The following EXPH5 variants were observed in gnomAD, a reference collection of about 807,000 sequenced individuals.
The protein encoded by EXPH5 is exophilin 5.
A neutral mutation model predicts 41.1 loss-of-function variants in EXPH5; 42 were observed. That is an observed-to-expected ratio of 1.02 (90% CI 0.80 to 1.32). The LOEUF is 1.32. Ranked by LOEUF, EXPH5 falls within the 40% of genes most tolerant of loss-of-function variation. The probability of loss-of-function intolerance (pLI) is 0.00; values close to 1 mark genes in which losing one functional copy is unlikely to be tolerated. For synonymous variants in EXPH5, 798 were observed against 833.5 expected, an observed-to-expected ratio of 0.96 and a Z score of 0.73; for missense variants, 2,298 against 2,314.5, an observed-to-expected ratio of 0.99 and a Z score of 0.15.
intron 1 of EXPH5, among the ~76,000 whole-genome samples, chr11:108,549,525 G>A (rs374842069): frequency 6.6e-6 from 1 of 152,134 alleles, no homozygotes; most frequent in South Asian, 2.1e-4. Context: ...TCTGAGCAAG[G>A]CTTTGTGCCC....
At chr11:108,550,738 C>T (rs1056221408) in intron 1 of EXPH5, among the ~76,000 whole-genome samples, 2 of 151,958 alleles carry the variant, frequency 1.3e-5, no homozygotes, top group African/African-American at 4.8e-5. Context: ...AAGATTATGC[C>T]ACTGCACTCC....
rs781684228 is a variant in EXPH5 at position 108,512,143 on chromosome 11, C to A, written c.3364G>T (p.Ala1122Ser). 7.3e-5 allele frequency: 117 copies of A among 1,613,238 alleles called. No individual in the cohort carries two copies. Among genetic ancestry groups the A allele is most frequent in the Non-Finnish European group, 9.6e-5 (113 of 1,179,826 alleles). The change falls in exon 6 of 6, where the codon GCT becomes TCT. Residue 1122 changes from alanine (A) to serine (S), a missense_variant. Transcript: ENST00000265843. ...KGPLPFLINR[A>S]MSCPSGEPHA... ...GGCTCCCCTGAGGGACATGACATAG[C>A]CCTGTTGATGAGGAATGGAAGTGGT...
chr11:108,593,566 G>A lies in EXPH5; in HGVS notation c.-30C>T. On this transcript the variant is annotated 5_prime_UTR_variant, in exon 1 of 6. Coordinates refer to ENST00000265843, the MANE Select transcript of EXPH5 (RefSeq NM_015065.3). ...TTTACTGTGTGTGAGTTACACTTAAGCTCCTTGGCGCCTCCTGTTAGGAAG... is the reference window on the plus strand; with the variant it reads ...TTTACTGTGTGTGAGTTACACTTAAACTCCTTGGCGCCTCCTGTTAGGAAG... 2 of 1,613,848 alleles carry A rather than the reference G, an allele frequency of 1.2e-6. No homozygotes were observed. Among genetic ancestry groups the A allele is most frequent in the South Asian group, 1.1e-5 (1 of 91,050 alleles).
At chr11:108,594,780 C>A (rs188817986), upstream of EXPH5, among the ~76,000 whole-genome samples, 2 of 152,264 alleles carry the variant, frequency 1.3e-5, no homozygotes, top group Non-Finnish European at 2.9e-5. Flanking sequence ...GGCACATAAA[C>A]CCAATTAAAA....
Position 108,514,859 on chromosome 11 carries a change from A to C in EXPH5, c.648T>G (p.Asp216Glu), listed in dbSNP as rs762172582. 1 of 1,460,754 alleles carries C rather than the reference A, an allele frequency of 6.8e-7. No individual in the cohort carries two copies. Among genetic ancestry groups the C allele is most frequent in the East Asian group, 2.4e-5 (1 of 41,392 alleles). 90.5% of individuals were successfully genotyped at this position (1,460,754 alleles called of 1,614,324 possible). A position where few individuals can be genotyped will look rare whatever the true frequency, so the allele number is the denominator to read the frequency against. ...CAGACTGTTCCTGAGCCAATTTGCT[A>C]TCCAAGTCATCTAAAACTGAAAAGA... ...NEFFQVLDDLDSKLAQEQSAS... is the reference protein window; with the variant it reads ...NEFFQVLDDLESKLAQEQSAS... Residue 216 changes from aspartate (D) to glutamate (E), a missense_variant, in exon 6 of 6, where the codon GAT (aspartate) becomes GAG (glutamate). By Grantham distance (45) the Asp-to-Glu change is conservative. Coordinates refer to ENST00000265843, the MANE Select transcript of EXPH5 (RefSeq NM_015065.3).
rs898850176 is a variant in EXPH5, at chr11:108,511,651, T to C, written c.3856A>G (p.Thr1286Ala). The C allele has an allele frequency of 4.4e-6, 7 of 1,607,892 alleles. No individual in the cohort carries two copies. In the African/African-American group the frequency reaches 9.4e-5, roughly 22 times the overall value. ...NLLIESPQVE[T>A]ETFPNALEKD... ...TCTAAAGCGTTAGGAAATGTTTCAG[T>C]CTCCACTTGAGGTGATTCTATAAGT... Residue 1286 changes from threonine (T) to alanine (A), a missense_variant, in exon 6 of 6, where the codon ACT becomes GCT. Transcript: ENST00000265843.
the EXPH5 span, among the ~76,000 whole-genome samples, chr11:108,601,884 G>A: frequency 1.2e-4 from 18 of 152,252 alleles, no homozygotes; most frequent in African/African-American, 4.3e-4. Flanking sequence ...ACGTCGCTGG[G>A]TCTACAGGTG....
chr11:108,530,828 T>C (rs541458086), intron 3 of EXPH5, among the ~76,000 whole-genome samples: 12 of 152,270 alleles, frequency 7.9e-5, no homozygotes, highest in African/African-American at 2.9e-4. Flanking sequence ...GAAGGACACA[T>C]AATTGCCTAA....
At chr11:108,527,461 T>C (rs2093807682) in intron 4 of EXPH5, among the ~76,000 whole-genome samples, 1 of 152,114 alleles carries the variant, frequency 6.6e-6, no homozygotes, top group Non-Finnish European at 1.5e-5. Context: ...GATCCACTGA[T>C]AAATATACTT....
chr11:108,543,878 T>C (rs1376339330), intron 1 of EXPH5, among the ~76,000 whole-genome samples: 3 of 152,340 alleles, frequency 2.0e-5, no homozygotes, highest in East Asian at 1.9e-4. Context: ...CCTGTCTTTG[T>C]TGCTACTTCA....
intron 1 of EXPH5, chr11:108,552,261 G>A (rs946154569): frequency 2.0e-5 from 3 of 152,150 alleles, no homozygotes; most frequent in African/African-American, 4.8e-5. Flanking sequence ...TTATTTGAGA[G>A]CCTTTGTCGC....
chr11:108,525,458 G>T (rs2093792515), intron 4 of EXPH5, among the ~76,000 whole-genome samples: 1 of 152,160 alleles, frequency 6.6e-6, no homozygotes, highest in Non-Finnish European at 1.5e-5. Flanking sequence ...AAATGTCAAT[G>T]GTGCTGAGAT....
chr11:108,508,746 C>G lies in EXPH5; in HGVS notation c.*791G>C, dbSNP rs1315081168. On this transcript the variant is annotated 3_prime_UTR_variant, in exon 6 of 6. Transcript: ENST00000265843. Reference sequence around the variant, plus strand: ...ATGGTCAGGTTGCCTGGCCTAAGTCCTTGGCTTGACTAAAAGCCCTTAATA... The same window carrying G: ...ATGGTCAGGTTGCCTGGCCTAAGTCGTTGGCTTGACTAAAAGCCCTTAATA... The G allele has an allele frequency of 6.6e-6, 1 of 152,148 alleles. No individual in the cohort carries two copies. The highest frequency in any genetic ancestry group is 2.4e-5 in the African/African-American group (1 of 41,416). The allele number at this position is 152,148 out of a possible 1,614,324, so 9.4% of individuals were successfully genotyped here.
chr11:108,553,513 T>C (rs1158221591), intron 1 of EXPH5, among the ~76,000 whole-genome samples: 1 of 152,222 alleles, frequency 6.6e-6, no homozygotes, highest in Non-Finnish European at 1.5e-5. Context: ...CCTTTTTGAA[T>C]GTATACCTTT....
At chr11:108,594,662 T>C (rs1333321693), upstream of EXPH5, among the ~76,000 whole-genome samples, 1 of 152,254 alleles carries the variant, frequency 6.6e-6, no homozygotes, top group African/African-American at 2.4e-5. Flanking sequence ...AAAATAACTC[T>C]GTCAGATTGA....
chr11:108,535,195 A>G (rs899528446), intron 3 of EXPH5, among the ~76,000 whole-genome samples: 2 of 152,218 alleles, frequency 1.3e-5, no homozygotes, highest in Non-Finnish European at 2.9e-5. Flanking sequence ...AAAATAAATA[A>G]GTAAAGCTCC....
chr11:108,567,368 T>C (rs2094039029), intron 1 of EXPH5, among the ~76,000 whole-genome samples: 1 of 151,708 alleles, frequency 6.6e-6, no homozygotes, highest in Non-Finnish European at 1.5e-5. Flanking sequence ...TAATTGGGAG[T>C]CATTCTCCTT....
At chr11:108,566,654 A>T (rs764219170) in intron 1 of EXPH5, among the ~76,000 whole-genome samples, 5 of 152,082 alleles carry the variant, frequency 3.3e-5, no homozygotes, top group African/African-American at 4.8e-5. Context: ...GGAGTTCAAG[A>T]ATGGCCTGGG....
In EXPH5 at chr11:108,589,610, A is replaced by G. The variant is rs1037767256; in HGVS notation, c.119+3808T>C. On this transcript the variant is annotated intron_variant, in intron 1 of 5. Coordinates refer to ENST00000265843, the MANE Select transcript of EXPH5 (RefSeq NM_015065.3). ...CACCGTAACATCTGGTTCTGATGCC[A>G]GATAGATTTAGGTTCAAATTCTATC... Among the ~76,000 whole-genome samples, 4 of 152,356 alleles carry G rather than the reference A, an allele frequency of 2.6e-5. No individual in the cohort carries two copies. In the East Asian group the frequency reaches 7.7e-4, roughly 29 times the overall value.
Sources: gnomAD v4.1 joint callset for allele counts (sites outside exome capture counted in the v4.1 genomes callset) on GRCh38, gnomAD v4.1.1 for gene constraint, MANE v1.5 for transcripts, NCBI Gene and HGNC (gene_info 2026-07-23, HGNC 2026-07-21) for gene names.